M1AP: variants seen among roughly 807,000 people sequenced by gnomAD.
The protein encoded by M1AP is meiosis 1 associated protein.
M1AP carries 39 observed loss-of-function variants against 51.2 expected under a neutral mutation model. The observed-to-expected ratio is 0.76, with a 90% CI of 0.59 to 1.00. The LOEUF (loss-of-function observed/expected upper bound fraction) is 1.00. Among genes scored for constraint, M1AP ranks in the 50% least tolerant of loss-of-function variants. The pLI is 0.00. For missense variants in M1AP, 545 were observed against 641.2 expected (o/e 0.85, Z 1.62); for synonymous variants, 251 against 249.2 (o/e 1.01, Z -0.07).
chr2:74,592,475 T>C (rs1443409754), intron 4 of M1AP, among the ~76,000 whole-genome samples: 2 of 152,140 alleles, frequency 1.3e-5, no homozygotes, highest in African/African-American at 4.8e-5. Flanking sequence ...CTTTTTTCCA[T>C]TTTTCTCTAG....
At chr2:74,618,546 T>C (rs879924642) in intron 2 of M1AP, among the ~76,000 whole-genome samples, 2 of 152,210 alleles carry the variant, frequency 1.3e-5, no homozygotes, top group Non-Finnish European at 2.9e-5. Flanking sequence ...TCCTCGATCC[T>C]CAGGCCTCCC....
chr2:74,585,888 T>C (rs929556438), intron 4 of M1AP, among the ~76,000 whole-genome samples: 1 of 152,238 alleles, frequency 6.6e-6, no homozygotes, highest in African/African-American at 2.4e-5. Flanking sequence ...CCATTACTTA[T>C]TATTACTACT....
chr2:74,623,074 T>C (rs924606134), intron 2 of M1AP, among the ~76,000 whole-genome samples: 1 of 151,370 alleles, frequency 6.6e-6, no homozygotes, highest in African/African-American at 2.4e-5. Context: ...AATAATAAGG[T>C]CAGTAATTAC....
At chr2:74,564,463 G>C (rs1678246204) in intron 7 of M1AP, among the ~76,000 whole-genome samples, 1 of 152,092 alleles carries the variant, frequency 6.6e-6, no homozygotes, top group Admixed American at 6.5e-5. Context: ...TTTGGGGGTG[G>C]GACAGATGAT....
chr2:74,562,400 G>A lies in M1AP; in HGVS notation c.1098C>T (p.Ala366=). Reference sequence around the variant, plus strand: ...GTCCTGGGCCCGGTGGTTCCCCCTTGGCTAACAGCAGCCATTCCCTTTTCT... The same window carrying A: ...GTCCTGGGCCCGGTGGTTCCCCCTTAGCTAACAGCAGCCATTCCCTTTTCT... The part of the protein sequence containing the change: ...SLLKREWLLL[A]KGEPPGPGHS... The change falls in exon 8 of 11, where the codon GCC becomes GCT. Residue 366 remains alanine, a synonymous_variant. Transcript: ENST00000421985. 1 of 1,614,146 alleles carries A rather than the reference G, an allele frequency of 6.2e-7. No homozygotes were observed. Among genetic ancestry groups the A allele is most frequent in the Non-Finnish European group, 8.5e-7 (1 of 1,180,016 alleles).
intron 2 of M1AP, among the ~76,000 whole-genome samples, chr2:74,628,003 T>A (rs1450458643): frequency 6.6e-6 from 1 of 152,140 alleles, no homozygotes; most frequent in Admixed American, 6.6e-5. Context: ...GGTCTCCATT[T>A]TATATATATA....
At chr2:74,628,914 G>A in intron 2 of M1AP, 1 of 401,192 alleles carries the variant, frequency 2.5e-6, no homozygotes, top group Admixed American at 3.0e-5. Context: ...AACATCTGCA[G>A]TGTCATCATT....
chr2:74,579,580 T>TG (rs1438641973), intron 5 of M1AP, among the ~76,000 whole-genome samples: 1 of 152,054 alleles, frequency 6.6e-6, no homozygotes, highest in South Asian at 2.1e-4. Flanking sequence ...ATATGGAAAA[T>TG]GGGGGTAATA....
Position 74,562,407 on chromosome 2 carries a change from A to G in M1AP, c.1091T>C (p.Leu364Pro). 1 of 1,614,238 alleles carries G rather than the reference A, an allele frequency of 6.2e-7. No homozygotes were observed. The highest frequency in any genetic ancestry group is 8.5e-7 in the Non-Finnish European group (1 of 1,180,040). The change falls in exon 8 of 11, where the codon CTG becomes CCG. Residue 364 changes from leucine (L) to proline (P), a missense_variant. By Grantham distance (98) the Leu-to-Pro change is moderately conservative. Transcript: ENST00000421985. ...CHSLLKREWL[L>P]LAKGEPPGPG... ...GCCCGGTGGTTCCCCCTTGGCTAACAGCAGCCATTCCCTTTTCTGAAACAA... is the reference window on the plus strand; with the variant it reads ...GCCCGGTGGTTCCCCCTTGGCTAACGGCAGCCATTCCCTTTTCTGAAACAA...
chr2:74,645,296 A>G (rs943019467), intron 1 of M1AP, among the ~76,000 whole-genome samples: 1 of 152,164 alleles, frequency 6.6e-6, no homozygotes, highest in African/African-American at 2.4e-5. Context: ...CTCCGGACAC[A>G]CCATCTTTAA....
At chr2:74,600,450 G>A (rs1201720539) in intron 4 of M1AP, among the ~76,000 whole-genome samples, 4 of 152,184 alleles carry the variant, frequency 2.6e-5, no homozygotes, top group Non-Finnish European at 5.9e-5. Flanking sequence ...GCTCTTCTAT[G>A]GGGTTAACAT....
chr2:74,573,953 G>T (rs1315409111), intron 7 of M1AP, among the ~76,000 whole-genome samples: 2 of 152,216 alleles, frequency 1.3e-5, no homozygotes, highest in African/African-American at 2.4e-5. Context: ...CTGAGGAACT[G>T]GGTGGAGTAA....
intron 5 of M1AP, among the ~76,000 whole-genome samples, chr2:74,577,692 G>GCC (rs1679159422): frequency 2.6e-5 from 4 of 152,170 alleles, no homozygotes; most frequent in Non-Finnish European, 4.4e-5. Flanking sequence ...GGGTGAGACG[G>GCC]CCCTCAGCCT....
At chr2:74,622,473 G>A (rs915373492) in intron 2 of M1AP, among the ~76,000 whole-genome samples, 3 of 151,550 alleles carry the variant, frequency 2.0e-5, no homozygotes, top group Non-Finnish European at 2.9e-5. Flanking sequence ...CCTGACAGGT[G>A]ATCTGCCCGC....
chr2:74,562,115 A>G (rs1397893308), intron 8 of M1AP, 102 bp downstream of exon 8: 2 of 1,496,102 alleles, frequency 1.3e-6, no homozygotes, highest in Admixed American at 4.8e-5. Flanking sequence ...ACACTCCTTC[A>G]GCTCCGCATC....
intron 2 of M1AP, chr2:74,620,576 G>A (rs1414584800): frequency 1.2e-5 from 2 of 163,286 alleles, no homozygotes; most frequent in African/African-American, 4.8e-5. Context: ...GTGGAGCCTG[G>A]GGCTACTGCA....
intron 4 of M1AP, among the ~76,000 whole-genome samples, chr2:74,596,766 T>C (rs1043909920): frequency 2.0e-5 from 3 of 152,168 alleles, no homozygotes; most frequent in Admixed American, 1.3e-4. Flanking sequence ...TATGACACAT[T>C]CATGCAATAT....
intron 5 of M1AP, among the ~76,000 whole-genome samples, chr2:74,577,256 G>C (rs1326844471): frequency 5.3e-5 from 8 of 152,178 alleles, no homozygotes; most frequent in Non-Finnish European, 8.8e-5. Context: ...GAGCATCACA[G>C]TGGCATCAGA....
chr2:74,643,356 T>TA (rs1299647274), intron 1 of M1AP, among the ~76,000 whole-genome samples: 1 of 152,080 alleles, frequency 6.6e-6, no homozygotes, highest in Admixed American at 6.5e-5. Flanking sequence ...TAATATTGAG[T>TA]AAAAGCAGCA....
Sources: gnomAD v4.1 joint callset for allele counts (sites outside exome capture counted in the v4.1 genomes callset) on GRCh38, gnomAD v4.1.1 for gene constraint, MANE v1.5 for transcripts, NCBI Gene and HGNC (gene_info 2026-07-23, HGNC 2026-07-21) for gene names.